The following ANXA3 variants were observed in gnomAD, a reference collection of about 807,000 sequenced individuals.
The protein encoded by ANXA3 is 35-alpha calcimedin.
In ANXA3, 46 loss-of-function variants were observed where a neutral mutation model predicts 48.8. That is an observed-to-expected ratio of 0.94 (90% confidence interval 0.74 to 1.21). The LOEUF is 1.21. Ranked by LOEUF, ANXA3 falls within the 50% of genes most tolerant of loss-of-function variation. The probability of loss-of-function intolerance (pLI) is 0.00; values close to 1 mark genes in which losing one functional copy is unlikely to be tolerated. For synonymous variants in ANXA3, 128 were observed against 134.7 expected, an observed-to-expected ratio of 0.95 and a Z score of 0.35; for missense variants, 383 against 378.6, an observed-to-expected ratio of 1.01 and a Z score of -0.10.
intron 1 of ANXA3, among the ~76,000 whole-genome samples, chr4:78,553,665 A>G (rs59244012): frequency 0.12 from 18,728 of 152,166 alleles, 1,469 homozygotes; most frequent in East Asian, 0.35. Flanking sequence ...CCTAGGCTAC[A>G]GAGAGCCTGA....
At chr4:78,562,879 G>C (rs939796432) in intron 2 of ANXA3, among the ~76,000 whole-genome samples, 1 of 152,134 alleles carries the variant, frequency 6.6e-6, no homozygotes, top group Non-Finnish European at 1.5e-5. Context: ...CCAGGCAGAC[G>C]GAATGATAAG....
chr4:78,594,584 G>A (rs1007249153), intron 7 of ANXA3, among the ~76,000 whole-genome samples: 8 of 152,164 alleles, frequency 5.3e-5, no homozygotes, highest in Non-Finnish European at 1.0e-4. Flanking sequence ...CCTTCTAATA[G>A]GTTGTGTAGT....
In ANXA3 at chr4:78,604,283, G is replaced by A; in HGVS notation, c.796G>A (p.Gly266Arg). Residue 266 changes from glycine to arginine, a missense_variant, in exon 12 of 13, where the codon GGA (glycine) becomes AGA (arginine). Gly to Arg is a moderately radical substitution (Grantham distance 125). Transcript: ENST00000264908. ...ERLHRALKGI[G>R]TDEFTLNRIM... Reference sequence around the variant, plus strand: ...CACCTGCATTCCTTAACAGGGTATTGGAACTGATGAGTTTACTCTGAACCG... The same window carrying A: ...CACCTGCATTCCTTAACAGGGTATTAGAACTGATGAGTTTACTCTGAACCG... The A allele has an allele frequency of 6.2e-7, 1 of 1,610,036 alleles. No homozygotes were observed. The highest frequency in any genetic ancestry group is 8.5e-7 in the Non-Finnish European group (1 of 1,177,310).
At chr4:78,604,010 T>C in intron 11 of ANXA3, 1 of 274,792 alleles carries the variant, frequency 3.6e-6, no homozygotes, top group Non-Finnish European at 6.8e-6. Context: ...TTGCAATGGC[T>C]TACTTTCTTG....
At chr4:78,579,977 C>G (rs978967319) in intron 4 of ANXA3, among the ~76,000 whole-genome samples, 1 of 152,166 alleles carries the variant, frequency 6.6e-6, no homozygotes, top group Non-Finnish European at 1.5e-5. Flanking sequence ...CTTTGCTATA[C>G]AGTTTATTTG....
chr4:78,572,349 C>T (rs1158628054), intron 2 of ANXA3, among the ~76,000 whole-genome samples: 1 of 152,208 alleles, frequency 6.6e-6, no homozygotes, highest in African/African-American at 2.4e-5. Context: ...TGGGTTCTTC[C>T]TGCTCACTGT....
intron 5 of ANXA3, among the ~76,000 whole-genome samples, chr4:78,585,384 A>G (rs533933348): frequency 8.1e-4 from 123 of 152,288 alleles, no homozygotes; most frequent in African/African-American, 2.9e-3. Flanking sequence ...TGACTCAGCC[A>G]TTATGTCTTC....
In ANXA3 at chr4:78,566,456, A is replaced by ATACTG. The variant is rs540962918; in HGVS notation, c.16-6720_16-6719insGTACT. Among the ~76,000 whole-genome samples the ATACTG allele has an allele frequency of 3.3e-5, 5 of 149,370 alleles. No homozygotes were observed. The South Asian group carries it at 1.1e-3, about 32-fold the overall frequency. On this transcript the variant is annotated intron_variant, in intron 2 of 12. Transcript: ENST00000264908. ...TGAATGTAGAATACTATACTATACT[A>ATACTG]TACTATAGAATACTACTCAGCCACT...
intron 5 of ANXA3, among the ~76,000 whole-genome samples, chr4:78,583,487 G>T (rs1271539816): frequency 6.9e-6 from 1 of 144,850 alleles, no homozygotes; most frequent in African/African-American, 2.6e-5. Flanking sequence ...AGCCAGGCAT[G>T]GTGGCTCATG....
intron 2 of ANXA3, among the ~76,000 whole-genome samples, chr4:78,557,683 G>A (rs1164953090): frequency 5.4e-5 from 5 of 92,574 alleles, no homozygotes; most frequent in African/African-American, 1.7e-4. Context: ...CTGTCTCTGG[G>A]TTTTTCTTTT....
chr4:78,572,919 T>G, intron 2 of ANXA3: 1 of 529,564 alleles, frequency 1.9e-6, no homozygotes, highest in Non-Finnish European at 3.5e-6. Context: ...AAATTCCTCC[T>G]GAAGTTAGTT....
chr4:78,609,114 A>AAT (rs1331999641), intron 12 of ANXA3, among the ~76,000 whole-genome samples: 1 of 152,174 alleles, frequency 6.6e-6, no homozygotes, highest in Non-Finnish European at 1.5e-5. Flanking sequence ...AAAACAGAAA[A>AAT]ATATATATAA....
At position 78,595,791 on chromosome 4, in the gene ANXA3, T is replaced by C. The variant is rs1386224032; in HGVS notation, c.541-3T>C. 1.3e-6 allele frequency: 2 copies of C among 1,578,374 alleles called. No homozygotes were observed. The highest frequency in any genetic ancestry group is 2.2e-5 in the East Asian group (1 of 44,670). On this transcript the variant is annotated splice_region_variant and splice_polypyrimidine_tract_variant and intron_variant, in intron 8 of 12. Coordinates refer to ENST00000264908, the MANE Select transcript of ANXA3 (RefSeq NM_005139.3). ...GTCTCTAATATCATTCTCTTGTGAATAGATTCTCTATAAAGCTGGTGAGAA... is the reference window on the plus strand; with the variant it reads ...GTCTCTAATATCATTCTCTTGTGAACAGATTCTCTATAAAGCTGGTGAGAA...
rs1220106430 is a variant in ANXA3, at chr4:78,578,298, C to CGAGAGAGAGAGAGAGAGAGA, written c.104-716_104-697dup. On this transcript the variant is annotated intron_variant, in intron 3 of 12. Transcript: ENST00000264908. ...GAAAGGGCGAAGGGGAGAGAGAGAG[C>CGAGAGAGAGAGAGAGAGAGA]GAGAGAGAGAGAGAGAGAGAGAGAG... is the stretch of plus-strand genomic sequence containing the variant. Among the ~76,000 whole-genome samples, 70 of 46,506 alleles carry CGAGAGAGAGAGAGAGAGAGA rather than the reference C, an allele frequency of 1.5e-3. 2 individuals are homozygous for CGAGAGAGAGAGAGAGAGAGA. Among genetic ancestry groups the CGAGAGAGAGAGAGAGAGAGA allele is most frequent in the African/African-American group, 3.0e-3 (38 of 12,620 alleles). The allele number at this position is 46,506 out of a possible 152,430, so 30.5% of individuals were successfully genotyped here.
At chr4:78,608,909 C>A (rs1191151428) in intron 12 of ANXA3, among the ~76,000 whole-genome samples, 2 of 152,082 alleles carry the variant, frequency 1.3e-5, no homozygotes, top group African/African-American at 2.4e-5. Flanking sequence ...TGGTAGAACG[C>A]CTAATTGTTT....
intron 12 of ANXA3, among the ~76,000 whole-genome samples, chr4:78,608,655 T>G (rs1242112126): frequency 6.6e-6 from 1 of 152,160 alleles, no homozygotes; most frequent in East Asian, 1.9e-4. Flanking sequence ...AGGATGACAC[T>G]CAAGTTCCTA....
intron 10 of ANXA3, among the ~76,000 whole-genome samples, chr4:78,599,196 A>C (rs1049684799): frequency 6.6e-6 from 1 of 152,206 alleles, no homozygotes; most frequent in East Asian, 1.9e-4. Flanking sequence ...TAATGTAGTC[A>C]CAAGGTTTTG....
intron 4 of ANXA3, among the ~76,000 whole-genome samples, chr4:78,581,444 A>C (rs1380309836): frequency 6.6e-6 from 1 of 152,166 alleles, no homozygotes; most frequent in African/African-American, 2.4e-5. Context: ...CTGTAGGATA[A>C]CTATAGTTAA....
intron 12 of ANXA3, among the ~76,000 whole-genome samples, chr4:78,605,614 T>A (rs1179997200): frequency 6.6e-6 from 1 of 152,180 alleles, no homozygotes; most frequent in African/African-American, 2.4e-5. Context: ...AATTTATCAA[T>A]CTTTCACAGT....
Sources: gnomAD v4.1 joint callset for allele counts (sites outside exome capture counted in the v4.1 genomes callset) on GRCh38, gnomAD v4.1.1 for gene constraint, MANE v1.5 for transcripts, NCBI Gene and HGNC (gene_info 2026-07-23, HGNC 2026-07-21) for gene names.